The following LDLRAD4 variants were observed in gnomAD, a reference collection of about 807,000 sequenced individuals.
The protein encoded by LDLRAD4 is low-density lipoprotein receptor class A domain-containing protein 4.
LDLRAD4 carries 5 observed loss-of-function variants against 17.0 expected under a neutral mutation model. The ratio of observed to expected loss-of-function variants is 0.29; its 90% CI spans 0.15 to 0.62. The LOEUF is 0.62. Ranked by LOEUF, LDLRAD4 falls within the 20% of genes least tolerant of loss-of-function variation. The pLI is 0.84. For synonymous variants in LDLRAD4, 168 were observed against 171.8 expected (o/e 0.98, Z 0.17); for missense variants, 340 against 424.7 (o/e 0.80, Z 1.75).
intron 4 of LDLRAD4, among the ~76,000 whole-genome samples, chr18:13,623,026 G>A (rs1169842764): frequency 5.3e-5 from 8 of 152,186 alleles, no homozygotes; most frequent in Non-Finnish European, 7.3e-5. Context: ...TCCTTGCTCT[G>A]TTCCTGGTGC....
intron 3 of LDLRAD4, among the ~76,000 whole-genome samples, chr18:13,505,636 G>A (rs1203852138): frequency 2.0e-5 from 3 of 152,182 alleles, no homozygotes; most frequent in South Asian, 4.2e-4. Context: ...TGGCTAGCAC[G>A]GTGAAACTCA....
At chr18:13,586,411 A>AAAAAAAAAAAAAAAG (rs2094935100) in intron 3 of LDLRAD4, among the ~76,000 whole-genome samples, 1 of 146,624 alleles carries the variant, frequency 6.8e-6, no homozygotes. Flanking sequence ...TGTCTCAAAA[A>AAAAAAAAAAAAAAAG]AAAAAAAAAA....
chr18:13,506,452 G>A (rs1166947768), intron 3 of LDLRAD4, among the ~76,000 whole-genome samples: 1 of 142,362 alleles, frequency 7.0e-6, no homozygotes, highest in East Asian at 2.1e-4. Context: ...TTATTTCTTT[G>A]CTGCACTTTT....
chr18:13,555,540 A>T (rs1232518251), intron 3 of LDLRAD4, among the ~76,000 whole-genome samples: 1 of 118,576 alleles, frequency 8.4e-6, no homozygotes, highest in Admixed American at 8.9e-5. Context: ...TGATTTTCAG[A>T]TCACTGTTTT....
At chr18:13,361,293 G>A (rs1568049705) in intron 1 of LDLRAD4, among the ~76,000 whole-genome samples, 1 of 152,060 alleles carries the variant, frequency 6.6e-6, no homozygotes, top group African/African-American at 2.4e-5. Context: ...TAGCCAGGAT[G>A]GTCTCAATCT....
intron 3 of LDLRAD4, among the ~76,000 whole-genome samples, chr18:13,541,754 T>A (rs1047630179): frequency 6.6e-6 from 1 of 151,998 alleles, no homozygotes; most frequent in Admixed American, 6.6e-5. Flanking sequence ...ACACTGAGAG[T>A]AATATATGAA....
chr18:13,288,002 A>G (rs2045728910), intron 1 of LDLRAD4, among the ~76,000 whole-genome samples: 1 of 152,268 alleles, frequency 6.6e-6, no homozygotes. Context: ...GCCGTCAGAT[A>G]AATGACCAGA....
chr18:13,482,688 CAA>C (rs1038132890), intron 3 of LDLRAD4, among the ~76,000 whole-genome samples: 1 of 152,126 alleles, frequency 6.6e-6, no homozygotes, highest in Non-Finnish European at 1.5e-5. Context: ...TGAGTGGACT[CAA>C]GAGCAGACAA....
intron 1 of LDLRAD4, among the ~76,000 whole-genome samples, chr18:13,386,918 A>G (rs112347919): frequency 1.3e-4 from 6 of 47,246 alleles, no homozygotes; most frequent in African/African-American, 2.2e-4. Flanking sequence ...ATAGATAGAT[A>G]GATAGATAGA....
At position 13,626,317 on chromosome 18, in the gene LDLRAD4, A is replaced by G. The variant is rs1010848548; in HGVS notation, c.336+5046A>G. The stretch of plus-strand genomic sequence containing the variant: ...AGCAGTAAAGGGGCATGAATATTCT[A>G]GACACAGCCCGGAGAGCTATTTGAA... On this transcript the variant is annotated intron_variant, in intron 4 of 5. Transcript: ENST00000359446. Among the ~76,000 whole-genome samples, 4 of 152,152 alleles carry G rather than the reference A, an allele frequency of 2.6e-5. No homozygotes were observed. In the East Asian group the frequency reaches 5.8e-4, roughly 22 times the overall value.
chr18:13,395,688 G>A (rs1398169843), intron 2 of LDLRAD4, among the ~76,000 whole-genome samples: 1 of 92,036 alleles, frequency 1.1e-5, no homozygotes, highest in African/African-American at 4.5e-5. Flanking sequence ...GGGAGTTGGC[G>A]TTGGGTGGGG....
At chr18:13,331,577 G>A (rs759535082) in intron 1 of LDLRAD4, among the ~76,000 whole-genome samples, 1 of 152,138 alleles carries the variant, frequency 6.6e-6, no homozygotes, top group Non-Finnish European at 1.5e-5. Context: ...TTTTGCATCT[G>A]GTGTTTATTA....
chr18:13,578,845 T>TTTTTTTTTTTTTTTTTTTTTTTTTG (rs2094814744), intron 3 of LDLRAD4, among the ~76,000 whole-genome samples: 1 of 136,910 alleles, frequency 7.3e-6, no homozygotes, highest in Non-Finnish European at 1.6e-5. Flanking sequence ...TTTTTTTTTT[T>TTTTTTTTTTTTTTTTTTTTTTTTTG]TTTTTTTTTT....
intron 1 of LDLRAD4, among the ~76,000 whole-genome samples, chr18:13,246,842 A>G (rs2042979637): frequency 6.6e-6 from 1 of 152,196 alleles, no homozygotes; most frequent in Admixed American, 6.5e-5. Context: ...GGGTTAGACA[A>G]ACAGCCCTGC....
At chr18:13,449,660 T>C (rs77283156) in intron 3 of LDLRAD4, among the ~76,000 whole-genome samples, 4,955 of 152,356 alleles carry the variant, frequency 0.033, 90 homozygotes, top group Middle Eastern at 0.071. Flanking sequence ...CGCTATCTCC[T>C]TCATCCTTAT....
chr18:13,526,620 A>G (rs2094035744), intron 3 of LDLRAD4: 1 of 152,220 alleles, frequency 6.6e-6, no homozygotes, highest in Non-Finnish European at 1.5e-5. Context: ...TTTTGGTGTG[A>G]TTTGATCCTA....
At chr18:13,617,299 G>A (rs1418164519) in intron 3 of LDLRAD4, among the ~76,000 whole-genome samples, 3 of 152,104 alleles carry the variant, frequency 2.0e-5, no homozygotes, top group Non-Finnish European at 4.4e-5. Flanking sequence ...ATCCTTGCCT[G>A]AATTTTAAAA....
intron 3 of LDLRAD4, chr18:13,465,242 G>A (rs2092575030): frequency 6.6e-6 from 1 of 152,332 alleles, no homozygotes; most frequent in South Asian, 2.1e-4. Flanking sequence ...GGTTGCTTAG[G>A]TGTTGAAGTC....
Position 13,453,061 on chromosome 18 carries a change from C to G in LDLRAD4, c.181+14677C>G, listed in dbSNP as rs188860153. On this transcript the variant is annotated intron_variant, in intron 3 of 5. Coordinates refer to ENST00000359446, the Ensembl canonical transcript of LDLRAD4. ...GGAGCACCGCAGGGGTGCACATGAG[C>G]GAGCGTGAGGTCACGGGATTTGCAT... Among the ~76,000 whole-genome samples, 6 of 152,232 alleles carry G rather than the reference C, an allele frequency of 3.9e-5. No individual in the cohort carries two copies. The East Asian group carries it at 1.2e-3, about 29-fold the overall frequency.
Sources: allele counts gnomAD v4.1 joint callset (sites outside exome capture counted in the v4.1 genomes callset), GRCh38; gene constraint gnomAD v4.1.1; transcripts MANE v1.5; gene names NCBI Gene and HGNC (gene_info 2026-07-23, HGNC 2026-07-21).